KYNU: variants seen among roughly 807,000 people sequenced by gnomAD.
KYNU encodes the protein kynureninase.
KYNU carries 54 observed loss-of-function variants against 59.2 expected under a neutral mutation model. The ratio of observed to expected loss-of-function variants is 0.91; its 90% confidence interval spans 0.73 to 1.14. KYNU has a LOEUF of 1.14. KYNU is among the 50% of genes most tolerant of loss of function. KYNU has a pLI of 0.00. For missense variants in KYNU, 567 were observed against 554.4 expected (o/e 1.02, Z -0.23); for synonymous variants, 177 against 192.0 (o/e 0.92, Z 0.65).
At chr2:142,911,311 G>GT in intron 2 of KYNU, among the ~76,000 whole-genome samples, 1 of 152,056 alleles carries the variant, frequency 6.6e-6, no homozygotes, top group South Asian at 2.1e-4. Flanking sequence ...GTGTTTTACT[G>GT]TTTTTTCGCT....
intron 11 of KYNU, among the ~76,000 whole-genome samples, chr2:143,031,807 A>G (rs937020180): frequency 2.0e-5 from 3 of 152,228 alleles, no homozygotes; most frequent in African/African-American, 7.2e-5. Flanking sequence ...ACTGCTATAA[A>G]GATACCACCT....
chr2:142,907,122 A>T (rs1682324274), intron 2 of KYNU, among the ~76,000 whole-genome samples: 1 of 152,160 alleles, frequency 6.6e-6, no homozygotes, highest in Non-Finnish European at 1.5e-5. Context: ...GAGGCCACCA[A>T]ATGTTACCAG....
At chr2:143,018,430 G>T (rs1311055782) in intron 10 of KYNU, among the ~76,000 whole-genome samples, 1 of 152,044 alleles carries the variant, frequency 6.6e-6, no homozygotes, top group Non-Finnish European at 1.5e-5. Context: ...TGTCTACTTT[G>T]TCAAAGATCA....
intron 10 of KYNU, among the ~76,000 whole-genome samples, chr2:143,026,901 G>A (rs1686589967): frequency 6.6e-6 from 1 of 152,174 alleles, no homozygotes; most frequent in Admixed American, 6.5e-5. Context: ...CTGTCCCTCT[G>A]AAGTCAAGCC....
rs1687122062 is a variant in KYNU, at chr2:143,043,815, A to G, written c.*1643A>G. ...AATATATTTATATAAATATATATAA[A>G]GTATAATATATATAAAGTATAAATA... On this transcript the variant is annotated 3_prime_UTR_variant, in exon 14 of 14. Transcript: ENST00000264170. The G allele has an allele frequency of 2.0e-5, 3 of 146,928 alleles. No homozygotes were observed. Among genetic ancestry groups the G allele is most frequent in the South Asian group, 4.2e-4 (2 of 4,756 alleles). 9.1% of individuals were successfully genotyped at this position (146,928 alleles called of 1,614,324 possible). A position where few individuals can be genotyped will look rare whatever the true frequency, so the allele number is the denominator to read the frequency against.
At chr2:142,922,418 T>A (rs1682913276) in intron 3 of KYNU, among the ~76,000 whole-genome samples, 1 of 152,036 alleles carries the variant, frequency 6.6e-6, no homozygotes, top group South Asian at 2.1e-4. Flanking sequence ...GGTGGGAGGA[T>A]CGCTTGAGCC....
intron 2 of KYNU, among the ~76,000 whole-genome samples, chr2:142,909,651 T>C (rs528102535): frequency 6.6e-6 from 1 of 152,354 alleles, no homozygotes; most frequent in South Asian, 2.1e-4. Context: ...TCTATGGCTA[T>C]GTAGTATTTC....
At chr2:143,028,243 C>CTTTTTTTTTT (rs754504556) in intron 10 of KYNU, among the ~76,000 whole-genome samples, 27 of 90,442 alleles carry the variant, frequency 3.0e-4, no homozygotes, top group Admixed American at 5.1e-4. Context: ...ATTTTACATT[C>CTTTTTTTTTT]TTTTTTTTTT....
chr2:142,952,428 T>C (rs1026357150), intron 4 of KYNU, among the ~76,000 whole-genome samples: 1 of 152,108 alleles, frequency 6.6e-6, no homozygotes, highest in African/African-American at 2.4e-5. Flanking sequence ...TGTTTTCTTA[T>C]TTCTTTCTTT....
chr2:143,037,218 G>A (rs1337602273), intron 12 of KYNU, among the ~76,000 whole-genome samples: 1 of 152,194 alleles, frequency 6.6e-6, no homozygotes, highest in East Asian at 1.9e-4. Flanking sequence ...TGGACACGAA[G>A]TGTGACCTTA....
At chr2:142,945,553 G>A (rs1683743565) in intron 4 of KYNU, among the ~76,000 whole-genome samples, 1 of 151,946 alleles carries the variant, frequency 6.6e-6, no homozygotes, top group South Asian at 2.1e-4. Context: ...CATGAGGGTT[G>A]GAATAAACTT....
intron 4 of KYNU, among the ~76,000 whole-genome samples, chr2:142,929,330 G>A (rs1361263846): frequency 4.9e-5 from 7 of 142,150 alleles, no homozygotes; most frequent in South Asian, 2.2e-4. Flanking sequence ...GAGTTGGCTC[G>A]CTGATAGACA....
intron 4 of KYNU, chr2:142,953,987 A>G (rs1324001278): frequency 6.6e-6 from 1 of 152,126 alleles, no homozygotes; most frequent in African/African-American, 2.4e-5. Flanking sequence ...CATTTTTCTC[A>G]GTGACAGTAA....
chr2:142,984,867 G>A (rs1685154426), intron 8 of KYNU, among the ~76,000 whole-genome samples: 2 of 151,910 alleles, frequency 1.3e-5, no homozygotes, highest in Admixed American at 1.3e-4. Context: ...CAGCAAAAAA[G>A]GCAAAGAATG....
At chr2:142,988,982 T>G in intron 10 of KYNU, 1 of 1,107,430 alleles carries the variant, frequency 9.0e-7, no homozygotes, top group Non-Finnish European at 1.4e-6. Flanking sequence ...TGTCCCTTAG[T>G]GTGTTTTACT....
intron 8 of KYNU, among the ~76,000 whole-genome samples, chr2:142,982,343 A>C (rs924426517): frequency 6.6e-6 from 1 of 152,116 alleles, no homozygotes; most frequent in African/African-American, 2.4e-5. Flanking sequence ...TGTGGAATGA[A>C]TCTTTATATT....
At chr2:142,997,984 A>G (rs989358542) in intron 10 of KYNU, among the ~76,000 whole-genome samples, 1 of 152,168 alleles carries the variant, frequency 6.6e-6, no homozygotes, top group African/African-American at 2.4e-5. Flanking sequence ...ATGATAAGCG[A>G]TGCTTTCCAT....
intron 4 of KYNU, among the ~76,000 whole-genome samples, chr2:142,944,743 A>G (rs1683718093): frequency 6.6e-6 from 1 of 152,246 alleles, no homozygotes; most frequent in Non-Finnish European, 1.5e-5. Flanking sequence ...TCAGAAATCT[A>G]ATTTGAACCA....
chr2:143,040,731 G>T (rs188316823), intron 13 of KYNU, 73 bp downstream of exon 13: 4 of 917,398 alleles, frequency 4.4e-6, no homozygotes, highest in African/African-American at 3.4e-5. Flanking sequence ...GGACTCTTTG[G>T]TTTATTCATT....
Sources: allele counts gnomAD v4.1 joint callset (sites outside exome capture counted in the v4.1 genomes callset), GRCh38; gene constraint gnomAD v4.1.1; transcripts MANE v1.5; gene names NCBI Gene and HGNC (gene_info 2026-07-23, HGNC 2026-07-21).